Variants in SLC35D2 observed in about 807,000 individuals in gnomAD.
SLC35D2 encodes solute carrier family 35 member D2.
In SLC35D2, 43 loss-of-function variants were observed where a neutral mutation model predicts 41.8. That is an observed-to-expected ratio of 1.03 (90% CI 0.81 to 1.33). The LOEUF (loss-of-function observed/expected upper bound fraction) is 1.33, where lower values mean the gene tolerates loss of function less well. Among genes scored for constraint, SLC35D2 ranks in the 40% most tolerant of loss-of-function variants. SLC35D2 has a pLI of 0.00. For missense variants in SLC35D2, 380 were observed against 408.4 expected (o/e 0.93, Z 0.60); for synonymous variants, 150 against 163.9 (o/e 0.92, Z 0.65).
At chr9:96,336,881 T>A in intron 8 of SLC35D2, 97 bp from the exon 9 acceptor site, 1 of 705,408 alleles carries the variant, frequency 1.4e-6, no homozygotes, top group Non-Finnish European at 2.4e-6. Flanking sequence ...AGGAACCATC[T>A]TCCCAAACAG....
chr9:96,326,900 C>T (rs1033588157), intron 9 of SLC35D2, among the ~76,000 whole-genome samples: 5 of 152,000 alleles, frequency 3.3e-5, no homozygotes, highest in Non-Finnish European at 4.4e-5. Flanking sequence ...ATAAATAATC[C>T]TATTTATCCA....
chr9:96,348,092 G>T (rs1024923918), intron 6 of SLC35D2, among the ~76,000 whole-genome samples: 1 of 152,108 alleles, frequency 6.6e-6, no homozygotes, highest in Non-Finnish European at 1.5e-5. Flanking sequence ...TTGCTTTCAC[G>T]CTGCACTGCA....
At chr9:96,334,033 A>G (rs1045057756) in intron 9 of SLC35D2, among the ~76,000 whole-genome samples, 2 of 152,148 alleles carry the variant, frequency 1.3e-5, no homozygotes, top group East Asian at 3.9e-4. Context: ...CCCACTCAAC[A>G]ACTGGGTAAA....
At chr9:96,356,357 C>T (rs1055258676) in intron 4 of SLC35D2, among the ~76,000 whole-genome samples, 2 of 150,318 alleles carry the variant, frequency 1.3e-5, no homozygotes, top group African/African-American at 2.5e-5. Flanking sequence ...CAATCCCTAT[C>T]GAATCTTAGC....
chr9:96,368,413 A>G (rs1010290881), intron 1 of SLC35D2, 108 bp from the exon 2 acceptor site: 39 of 889,558 alleles, frequency 4.4e-5, no homozygotes, highest in Non-Finnish European at 5.0e-5. Flanking sequence ...ATGAAAATTT[A>G]TCAAATTGTT....
At chr9:96,360,628 C>CA (rs906000581) in intron 3 of SLC35D2, among the ~76,000 whole-genome samples, 4,280 of 15,566 alleles carry the variant, frequency 0.27, 1,011 homozygotes, top group Non-Finnish European at 0.33. Flanking sequence ...GACTTCATCT[C>CA]AAAAAAAAAA....
At position 96,352,115 on chromosome 9, in the gene SLC35D2, A is replaced by T; in HGVS notation, c.348-6T>A. ...GCACGGTGAACATCGGTAGGCTGCC[A>T]GGAAAAGAGTGAAGCATGTCAGACA... On this transcript the variant is annotated splice_polypyrimidine_tract_variant and splice_region_variant and intron_variant, in intron 4 of 11. Transcript: ENST00000253270. 6.2e-7 allele frequency: 1 copy of T among 1,607,358 alleles called. No homozygotes were observed. Among genetic ancestry groups the T allele is most frequent in the Non-Finnish European group, 8.5e-7 (1 of 1,175,108 alleles).
intron 9 of SLC35D2, among the ~76,000 whole-genome samples, chr9:96,328,086 T>G (rs976160987): frequency 6.6e-6 from 1 of 152,202 alleles, no homozygotes; most frequent in Non-Finnish European, 1.5e-5. Context: ...TAAAAGAACC[T>G]TCGTTAACTC....
downstream of SLC35D2, among the ~76,000 whole-genome samples, chr9:96,317,095 G>A (rs149682860): frequency 8.5e-3 from 1,288 of 151,132 alleles, 29 homozygotes; most frequent in African/African-American, 0.029. Flanking sequence ...CCGAGATCGC[G>A]CCACTGCATT....
chr9:96,320,344 T>C (rs7854377), downstream of SLC35D2, among the ~76,000 whole-genome samples: 31,758 of 152,020 alleles, frequency 0.21, 4,104 homozygotes, highest in East Asian at 0.35. Context: ...GGCCAAACCT[T>C]GTCTCTACTA....
chr9:96,317,511 C>A (rs986018131), downstream of SLC35D2, among the ~76,000 whole-genome samples: 7 of 152,156 alleles, frequency 4.6e-5, no homozygotes, highest in East Asian at 1.9e-4. Context: ...CAACCCAGCT[C>A]CTAGGGCTGC....
chr9:96,324,970 C>G (rs1279903946), intron 9 of SLC35D2, among the ~76,000 whole-genome samples: 1 of 152,212 alleles, frequency 6.6e-6, no homozygotes, highest in African/African-American at 2.4e-5. Context: ...TGATTCTGAT[C>G]TGTAGCCAGA....
At chr9:96,367,753 G>A (rs1441510664) in intron 2 of SLC35D2, among the ~76,000 whole-genome samples, 1 of 151,508 alleles carries the variant, frequency 6.6e-6, no homozygotes, top group Non-Finnish European at 1.5e-5. Flanking sequence ...TCGCACTCCA[G>A]TCTGGGCGAC....
intron 6 of SLC35D2, among the ~76,000 whole-genome samples, chr9:96,348,325 C>A (rs35527184): frequency 0.029 from 4,367 of 152,296 alleles, 81 homozygotes; most frequent in Middle Eastern, 0.058. Context: ...AATTCCCCAC[C>A]TTCCCTTTTC....
downstream of SLC35D2, among the ~76,000 whole-genome samples, chr9:96,319,382 C>T (rs1328884405): frequency 3.9e-5 from 6 of 151,966 alleles, no homozygotes; most frequent in Admixed American, 3.3e-4. Flanking sequence ...TACAGAGTTT[C>T]GGTTTTGCAA....
At chr9:96,373,523 C>T (rs977000832) in intron 1 of SLC35D2, among the ~76,000 whole-genome samples, 1 of 151,960 alleles carries the variant, frequency 6.6e-6, no homozygotes, top group African/African-American at 2.4e-5. Flanking sequence ...CCCATCTCTA[C>T]TGAAAATACA....
At chr9:96,329,214 T>C (rs1389122155) in intron 9 of SLC35D2, among the ~76,000 whole-genome samples, 1 of 151,952 alleles carries the variant, frequency 6.6e-6, no homozygotes, top group East Asian at 1.9e-4. Context: ...TTTATATATA[T>C]AAATACACAC....
chr9:96,317,720 G>A (rs1180512189), downstream of SLC35D2, among the ~76,000 whole-genome samples: 3 of 152,098 alleles, frequency 2.0e-5, no homozygotes, highest in African/African-American at 7.2e-5. Flanking sequence ...TGCAACAGGA[G>A]GTAGTTAACA....
intron 10 of SLC35D2, among the ~76,000 whole-genome samples, chr9:96,323,155 C>T (rs534903423): frequency 9.9e-5 from 15 of 152,092 alleles, no homozygotes; most frequent in African/African-American, 2.2e-4. Flanking sequence ...AATTCCAGGC[C>T]GTGCTCTGCC....
Sources: allele counts gnomAD v4.1 joint callset (sites outside exome capture counted in the v4.1 genomes callset), GRCh38; gene constraint gnomAD v4.1.1; transcripts MANE v1.5; gene names NCBI Gene and HGNC (gene_info 2026-07-23, HGNC 2026-07-21).